The following MAP2K3 variants were observed in gnomAD, a reference collection of about 807,000 sequenced individuals.
The protein encoded by MAP2K3 is mitogen-activated protein kinase kinase 3.
MAP2K3 carries 30 observed loss-of-function variants against 46.4 expected under a neutral mutation model. The observed-to-expected ratio is 0.65, with a 90% CI of 0.48 to 0.88. The LOEUF (loss-of-function observed/expected upper bound fraction) is 0.88. Ranked by LOEUF, MAP2K3 falls within the 40% of genes least tolerant of loss-of-function variation. The probability of loss-of-function intolerance (pLI) is 0.00; values close to 1 mark genes in which losing one functional copy is unlikely to be tolerated. For synonymous variants in MAP2K3, 189 were observed against 176.3 expected (o/e 1.07, Z -0.57); for missense variants, 380 against 464.5 (o/e 0.82, Z 1.67).
chr17:21,302,414 T>C (rs893020445), intron 6 of MAP2K3, among the ~76,000 whole-genome samples, 155 bp downstream of exon 6: 69 of 152,402 alleles, frequency 4.5e-4, no homozygotes, highest in Non-Finnish European at 8.1e-4. Flanking sequence ...GCATAGGCCC[T>C]TCTCCTCCAC....
chr17:21,297,902 C>T (rs1976350149), intron 1 of MAP2K3, among the ~76,000 whole-genome samples: 1 of 152,304 alleles, frequency 6.6e-6, no homozygotes. Context: ...GGAGGGCAGC[C>T]CGGGCTGGAG....
At position 21,284,985 on chromosome 17, in the gene MAP2K3, C is replaced by T. The variant is rs1197585549; in HGVS notation, c.49+16C>T. ...CAGTCCAAAGGTAGGCGCTCCCGGC[C>T]GGGACCTCGGCCTGACCCCGCGCCT... On this transcript the variant is annotated intron_variant, in intron 1 of 11. Coordinates refer to ENST00000342679, the MANE Select transcript of MAP2K3 (RefSeq NM_145109.3). 2.5e-6 allele frequency: 4 copies of T among 1,604,932 alleles called. No homozygotes were observed. The highest frequency in any genetic ancestry group is 1.1e-5 in the South Asian group (1 of 89,454).
intron 2 of MAP2K3, 47 bp downstream of exon 2, chr17:21,298,526 C>T (rs779680247): frequency 2.5e-5 from 40 of 1,613,936 alleles, no homozygotes; most frequent in African/African-American, 6.7e-5. Context: ...AGAGGCTTCC[C>T]GAACAGGGCT....
intron 9 of MAP2K3, among the ~76,000 whole-genome samples, chr17:21,306,329 T>C (rs1458532236): frequency 6.6e-6 from 1 of 152,242 alleles, no homozygotes; most frequent in Non-Finnish European, 1.5e-5. Flanking sequence ...TTGTGTTTAC[T>C]GGTTTATCAG....
In MAP2K3 at chr17:21,303,173, C is replaced by G. The variant is rs751951609; in HGVS notation, c.517-10C>G. The G allele has an allele frequency of 6.2e-7, 1 of 1,614,244 alleles. No individual in the cohort carries two copies. The highest frequency in any genetic ancestry group is 8.5e-7 in the Non-Finnish European group (1 of 1,180,046). ...TCCTGTCTCTTCCCTCCTCCCCACC[C>G]CACCGCCAGATCGTGCGGGCCCTGG... On this transcript the variant is annotated splice_polypyrimidine_tract_variant and intron_variant, in intron 6 of 11. Coordinates refer to ENST00000342679, the MANE Select transcript of MAP2K3 (RefSeq NM_145109.3).
At chr17:21,308,109 GC>G (rs1290960693) in intron 9 of MAP2K3, among the ~76,000 whole-genome samples, 2 of 149,510 alleles carry the variant, frequency 1.3e-5, no homozygotes, top group Non-Finnish European at 3.0e-5. Context: ...GCCTGCCTCT[GC>G]CTCCCAAAGT....
At chr17:21,310,094 C>T (rs1004709193) in intron 9 of MAP2K3, among the ~76,000 whole-genome samples, 6 of 151,688 alleles carry the variant, frequency 4.0e-5, no homozygotes, top group South Asian at 2.1e-4. Flanking sequence ...CAACCTCTGC[C>T]TCCTAGGTTC....
chr17:21,308,155 C>CT lies in MAP2K3; in HGVS notation c.774+3039dup, dbSNP rs764822853. On this transcript the variant is annotated intron_variant, in intron 9 of 11. Transcript: ENST00000342679. ...ACAGGGGTGAGCCACTGTGCCTGGC[C>CT]TTTTTTTTTTTTGAGGGAGTCTCAC... is the stretch of plus-strand genomic sequence containing the variant. Among the ~76,000 whole-genome samples the CT allele has an allele frequency of 9.3e-3, 766 of 82,128 alleles. 3 individuals carry two copies. The highest frequency in any genetic ancestry group is 0.027 in the African/African-American group (608 of 22,448). The allele number at this position is 82,128 out of a possible 152,430, so 53.9% of individuals were successfully genotyped here.
At chr17:21,305,520 A>C (rs1976849186) in intron 9 of MAP2K3, among the ~76,000 whole-genome samples, 2 of 152,254 alleles carry the variant, frequency 1.3e-5, no homozygotes, top group Non-Finnish European at 1.5e-5. Flanking sequence ...GTCCTGGTAC[A>C]TTGCGGTGGG....
intron 9 of MAP2K3, among the ~76,000 whole-genome samples, chr17:21,306,816 C>T (rs1483509170): frequency 6.6e-6 from 1 of 152,300 alleles, no homozygotes; most frequent in Admixed American, 6.5e-5. Context: ...GAGAGGGTCT[C>T]ACTCTGTTGC....
intron 6 of MAP2K3, among the ~76,000 whole-genome samples, chr17:21,302,856 T>C (rs1976682229): frequency 6.6e-6 from 1 of 152,312 alleles, no homozygotes; most frequent in African/African-American, 2.4e-5. Context: ...ATACTGGCTC[T>C]GCCACGGGAG....
intron 9 of MAP2K3, among the ~76,000 whole-genome samples, chr17:21,310,442 A>G (rs1977109830): frequency 6.6e-6 from 1 of 152,046 alleles, no homozygotes; most frequent in Non-Finnish European, 1.5e-5. Context: ...TCCATTTCAA[A>G]TTCTCAGCCA....
intron 1 of MAP2K3, among the ~76,000 whole-genome samples, chr17:21,294,748 G>C (rs9912598): frequency 4.2e-3 from 644 of 152,112 alleles, no homozygotes; most frequent in African/African-American, 0.014. Context: ...TGCACTTCCA[G>C]ATGGCCCCAT....
chr17:21,285,393 C>T (rs1475150806), intron 1 of MAP2K3: 5 of 562,202 alleles, frequency 8.9e-6, no homozygotes, highest in Non-Finnish European at 1.1e-5. Flanking sequence ...AGCTTCGGGT[C>T]CCAGGGCTGT....
At position 21,314,537 on chromosome 17, in the gene MAP2K3, GC is replaced by G. The variant is rs2144677396; in HGVS notation, c.*311del. Reference sequence around the variant, plus strand: ...CTGGATGCCCCCTGTGGATGCTGCTGCCCCTGCACAGCAGGCTGCCAGTGCC... The same window carrying G: ...CTGGATGCCCCCTGTGGATGCTGCTGCCCTGCACAGCAGGCTGCCAGTGCC... On this transcript the variant is annotated 3_prime_UTR_variant, in exon 12 of 12. Coordinates refer to ENST00000342679, the MANE Select transcript of MAP2K3 (RefSeq NM_145109.3). 1 of 382,438 alleles carries G rather than the reference GC, an allele frequency of 2.6e-6. No individual in the cohort carries two copies. Among genetic ancestry groups the G allele is most frequent in the Admixed American group, 4.1e-5 (1 of 24,166 alleles). The allele number at this position is 382,438 out of a possible 1,614,324, so 23.7% of individuals were successfully genotyped here.
intron 1 of MAP2K3, among the ~76,000 whole-genome samples, chr17:21,296,771 C>T (rs939934342): frequency 2.0e-5 from 3 of 152,308 alleles, no homozygotes; most frequent in East Asian, 1.9e-4. Flanking sequence ...GAGACCCATG[C>T]GGTCCCTGAC....
chr17:21,284,802 C>CGCCGCT lies in MAP2K3; in HGVS notation c.-116_-111dup, dbSNP rs1308144859. On this transcript the variant is annotated 5_prime_UTR_variant, in exon 1 of 12. Transcript: ENST00000342679. ...CAGTCGCCGCCGCCGCCGCCGCCGC[C>CGCCGCT]GCCGCTGCTCCTCCGCCTGGCCTGG... 2 of 1,189,600 alleles carry CGCCGCT rather than the reference C, an allele frequency of 1.7e-6. No homozygotes were observed. The highest frequency in any genetic ancestry group is 1.1e-6 in the Non-Finnish European group (1 of 884,650). The allele number at this position is 1,189,600 out of a possible 1,614,324, so 73.7% of individuals were successfully genotyped here. A position where few individuals can be genotyped will look rare whatever the true frequency, so the allele number is the denominator to read the frequency against.
At chr17:21,288,662 AGAG>A (rs1369045346) in intron 1 of MAP2K3, among the ~76,000 whole-genome samples, 2 of 152,252 alleles carry the variant, frequency 1.3e-5, no homozygotes, top group Admixed American at 1.3e-4. Flanking sequence ...CCCAGCTCTC[AGAG>A]GAGAAGCTTC....
intron 1 of MAP2K3, chr17:21,295,645 C>A (rs767064822): frequency 4.7e-6 from 6 of 1,289,272 alleles, no homozygotes; most frequent in Admixed American, 4.6e-5. Flanking sequence ...GCCTGTGGCC[C>A]TCCTGATGCA....
Sources: allele counts gnomAD v4.1 joint callset (sites outside exome capture counted in the v4.1 genomes callset), GRCh38; gene constraint gnomAD v4.1.1; transcripts MANE v1.5; gene names NCBI Gene and HGNC (gene_info 2026-07-23, HGNC 2026-07-21).